The following AFG2A variants were observed in gnomAD, a reference collection of about 807,000 sequenced individuals.
AFG2A encodes ATPase family gene 2 protein homolog A.
the AFG2A span, among the ~76,000 whole-genome samples, chr4:123,163,228 G>C: frequency 7.2e-3 from 1,094 of 152,284 alleles, 9 homozygotes; most frequent in African/African-American, 0.024. Flanking sequence ...AAGGTCAGGA[G>C]TTCAAGACTA....
the AFG2A span, among the ~76,000 whole-genome samples, chr4:123,310,412 C>T: frequency 6.6e-6 from 1 of 152,228 alleles, no homozygotes; most frequent in African/African-American, 2.4e-5. Flanking sequence ...TGTTTTCTTT[C>T]TTCCCACCTT....
chr4:123,149,816 T>C, the AFG2A span, among the ~76,000 whole-genome samples: 3 of 108,486 alleles, frequency 2.8e-5, no homozygotes, highest in African/African-American at 8.4e-5. Context: ...TTTTTTTTTT[T>C]TTTTTTTTGG....
chr4:123,062,338 C>G, the AFG2A span, among the ~76,000 whole-genome samples: 1 of 152,110 alleles, frequency 6.6e-6, no homozygotes, highest in Non-Finnish European at 1.5e-5. Flanking sequence ...CACTATATAC[C>G]ATATGGCCTA....
the AFG2A span, among the ~76,000 whole-genome samples, chr4:123,247,788 A>G: frequency 6.6e-6 from 1 of 152,114 alleles, no homozygotes; most frequent in Non-Finnish European, 1.5e-5. Context: ...TTTTCCAAAA[A>G]AGTTTTATGT....
the AFG2A span, among the ~76,000 whole-genome samples, chr4:123,038,772 A>G: frequency 6.6e-6 from 1 of 152,070 alleles, no homozygotes; most frequent in Admixed American, 6.6e-5. Context: ...TCACAGTGCC[A>G]GATTTTCAAG....
chr4:123,022,158 A>G, the AFG2A span, among the ~76,000 whole-genome samples: 1 of 152,096 alleles, frequency 6.6e-6, no homozygotes, highest in African/African-American at 2.4e-5. Flanking sequence ...CACCGAAAGC[A>G]ATGGCAACAA....
chr4:122,935,825 G>A, the AFG2A span: 1 of 1,609,224 alleles, frequency 6.2e-7, no homozygotes. Flanking sequence ...GTAATTAATG[G>A]TCCTGAAATT....
At chr4:123,224,818 G>C in the AFG2A span, among the ~76,000 whole-genome samples, 1 of 152,286 alleles carries the variant, frequency 6.6e-6, no homozygotes, top group African/African-American at 2.4e-5. Context: ...CTAGTTTACA[G>C]TCCCACCAAC....
the AFG2A span, among the ~76,000 whole-genome samples, chr4:123,093,493 T>C: frequency 6.6e-6 from 1 of 152,198 alleles, no homozygotes; most frequent in African/African-American, 2.4e-5. Context: ...GAGATCGCTT[T>C]TGTTGCCATC....
chr4:123,097,724 GGAGAGATCA>G, the AFG2A span, among the ~76,000 whole-genome samples: 30 of 152,204 alleles, frequency 2.0e-4, no homozygotes, highest in Admixed American at 6.5e-4. Flanking sequence ...TAGAGAATTG[GGAGAGATCA>G]GAGAAGAGAG....
the AFG2A span, among the ~76,000 whole-genome samples, chr4:123,074,966 C>T: frequency 2.6e-5 from 4 of 152,120 alleles, no homozygotes; most frequent in Admixed American, 1.3e-4. Flanking sequence ...GCGGTGGGAA[C>T]GGAGTCTTGC....
chr4:123,082,418 A>C, the AFG2A span, among the ~76,000 whole-genome samples: 1 of 151,954 alleles, frequency 6.6e-6, no homozygotes, highest in African/African-American at 2.4e-5. Context: ...CTTTGCTACT[A>C]TGCCAAAGAT....
At chr4:123,025,757 G>A in the AFG2A span, among the ~76,000 whole-genome samples, 6 of 152,024 alleles carry the variant, frequency 3.9e-5, no homozygotes, top group Non-Finnish European at 8.8e-5. Context: ...CAATATGTAT[G>A]GTTTCTTCTC....
the AFG2A span, among the ~76,000 whole-genome samples, chr4:123,270,829 C>T: frequency 6.6e-6 from 1 of 152,164 alleles, no homozygotes; most frequent in Admixed American, 6.5e-5. Flanking sequence ...ATGTTATTAT[C>T]TTCTTAGGTT....
chr4:123,199,927 T>C, the AFG2A span, among the ~76,000 whole-genome samples: 1 of 152,366 alleles, frequency 6.6e-6, no homozygotes, highest in South Asian at 2.1e-4. Context: ...GATTTAGTTT[T>C]CATCTTTACT....
the AFG2A span, among the ~76,000 whole-genome samples, chr4:123,284,066 C>G: frequency 6.6e-6 from 1 of 152,136 alleles, no homozygotes; most frequent in East Asian, 1.9e-4. Context: ...AGCGGAAATA[C>G]ATTTTAATTT....
chr4:123,052,194 C>T, the AFG2A span, among the ~76,000 whole-genome samples: 1 of 152,100 alleles, frequency 6.6e-6, no homozygotes, highest in Non-Finnish European at 1.5e-5. Context: ...TTCAAGCTCA[C>T]TGATTCTTTC....
At chr4:122,931,401 G>A in the AFG2A span, among the ~76,000 whole-genome samples, 1 of 151,720 alleles carries the variant, frequency 6.6e-6, no homozygotes, top group Non-Finnish European at 1.5e-5. Context: ...AAGTTGCCTT[G>A]AACACCGTTA....
the AFG2A span, among the ~76,000 whole-genome samples, chr4:123,014,984 T>C: frequency 2.6e-5 from 4 of 152,244 alleles, no homozygotes; most frequent in East Asian, 7.7e-4. Flanking sequence ...AACCTAAGCT[T>C]GCTTATGGAA....
Sources: allele counts gnomAD v4.1 joint callset (sites outside exome capture counted in the v4.1 genomes callset), GRCh38; gene constraint gnomAD v4.1.1; transcripts MANE v1.5; gene names NCBI Gene and HGNC (gene_info 2026-07-23, HGNC 2026-07-21).